Variants in CFAP46 observed in about 807,000 individuals in gnomAD.
The protein encoded by CFAP46 is cilia- and flagella-associated protein 46.
A neutral mutation model predicts 325.7 loss-of-function variants in CFAP46; 245 were observed. That is an observed-to-expected ratio of 0.75 (90% confidence interval 0.68 to 0.84). The LOEUF is 0.84. Among genes scored for constraint, CFAP46 ranks in the 40% least tolerant of loss-of-function variants. CFAP46 has a pLI of 0.00. For synonymous variants in CFAP46, 1,523 were observed against 1,495.9 expected (o/e 1.02, Z -0.42); for missense variants, 3,346 against 3,543.0 (o/e 0.94, Z 1.41).
At chr10:132,809,323 C>T (rs551718792) in intron 57 of CFAP46, among the ~76,000 whole-genome samples, 8 of 152,344 alleles carry the variant, frequency 5.3e-5, no homozygotes, top group South Asian at 4.1e-4. Flanking sequence ...GCAGCAGCAG[C>T]GGGACAGCCA....
chr10:132,935,539 C>T lies in CFAP46; in HGVS notation c.756-677G>A, dbSNP rs541577824. ...CAAACACACTGTGATCTCCTCACTC[C>T]CCTCGGCACCCAAACACACTGCGAT... On this transcript the variant is annotated intron_variant, in intron 7 of 57. Coordinates refer to ENST00000368586, the MANE Select transcript of CFAP46 (RefSeq NM_001200049.3). 3.4e-5 allele frequency among the ~76,000 whole-genome samples: 5 copies of T among 145,618 alleles called. No homozygotes were observed. In the East Asian group the frequency reaches 1.0e-3, roughly 30 times the overall value.
Position 132,885,902 on chromosome 10 carries a change from T to C in CFAP46, c.3362A>G (p.His1121Arg), listed in dbSNP as rs1849123050. 1 of 1,550,114 alleles carries C rather than the reference T, an allele frequency of 6.5e-7. No individual in the cohort carries two copies. The highest frequency in any genetic ancestry group is 8.7e-7 in the Non-Finnish European group (1 of 1,146,806). Residue 1121 changes from histidine to arginine, a missense_variant, in exon 26 of 58, where the codon CAT (histidine) becomes CGT (arginine). By Grantham distance (29) the His-to-Arg change is conservative. Transcript: ENST00000368586. ...GCCCTCCCAGTCGTCCTGGTCGGCA[T>C]GGCTGTGGAAGAGCAGGCCGTAGAG... ...AALYGLLFHS[H>R]ADQDDWEGGL...
intron 40 of CFAP46, among the ~76,000 whole-genome samples, 153 bp from the exon 41 acceptor site, chr10:132,850,585 G>T (rs1279191342): frequency 2.0e-5 from 3 of 152,210 alleles, no homozygotes; most frequent in African/African-American, 7.2e-5. Context: ...GGTCTCCAGG[G>T]CTCTGGTGTG....
At position 132,908,602 on chromosome 10, in the gene CFAP46, C is replaced by T. The variant is rs747153712; in HGVS notation, c.2790G>A (p.Ser930=). The change falls in exon 22 of 58, where the codon TCG becomes TCA. Residue 930 remains serine (S), a synonymous_variant. Coordinates refer to ENST00000368586, the MANE Select transcript of CFAP46 (RefSeq NM_001200049.3). ...LVKMASECNW[S]DPLVELQTLT... is the part of the protein sequence containing the mutation. ...GGGTCTGCAGCTCCACCAGGGGGTCCGACCAGTTGCACTCGGAAGCCATTT... is the reference window on the plus strand; with the variant it reads ...GGGTCTGCAGCTCCACCAGGGGGTCTGACCAGTTGCACTCGGAAGCCATTT... 3.3e-5 allele frequency: 51 copies of T among 1,545,256 alleles called. 1 individual carries two copies. Among genetic ancestry groups the T allele is most frequent in the South Asian group, 3.2e-4 (27 of 83,640 alleles).
intron 13 of CFAP46, among the ~76,000 whole-genome samples, chr10:132,921,330 G>A (rs1316232349): frequency 6.6e-6 from 1 of 152,236 alleles, no homozygotes; most frequent in Non-Finnish European, 1.5e-5. Context: ...GGGCTGGAGA[G>A]AGTGGGGCCG....
At chr10:132,883,852 G>C (rs1254165688) in intron 27 of CFAP46, among the ~76,000 whole-genome samples, 1 of 152,222 alleles carries the variant, frequency 6.6e-6, no homozygotes, top group Non-Finnish European at 1.5e-5. Context: ...AAAATGTCCA[G>C]ATCTGTGGCT....
chr10:132,915,559 G>A lies in CFAP46; in HGVS notation c.2120+990C>T, dbSNP rs370559787. Among the ~76,000 whole-genome samples, 74 of 151,530 alleles carry A rather than the reference G, an allele frequency of 4.9e-4. 1 individual carries two copies. The highest frequency in any genetic ancestry group is 1.4e-3 in the African/African-American group (57 of 41,094). On this transcript the variant is annotated intron_variant, in intron 17 of 57. Transcript: ENST00000368586. ...AAGGGACCGGCGAGGGCGGGGCGCC[G>A]TGCCCAGCTTCTGCCCCGAGGGACC... is the stretch of plus-strand genomic sequence containing the variant.
At position 132,939,696 on chromosome 10, in the gene CFAP46, G is replaced by A. The variant is rs1050247104; in HGVS notation, c.372-943C>T. Reference sequence around the variant, plus strand: ...CGGGGTGTCCTGACCAGACGGTCACGCCTGCTTGAGTCAGAGGGGTCATCA... The same window carrying A: ...CGGGGTGTCCTGACCAGACGGTCACACCTGCTTGAGTCAGAGGGGTCATCA... On this transcript the variant is annotated intron_variant, in intron 4 of 57. Coordinates refer to ENST00000368586, the MANE Select transcript of CFAP46 (RefSeq NM_001200049.3). The surrounding 1 kb of genome is among the most constrained non-coding windows in gnomAD (Gnocchi z 4.6). Among the ~76,000 whole-genome samples the A allele has an allele frequency of 2.0e-5, 3 of 152,136 alleles. No homozygotes were observed. Among genetic ancestry groups the A allele is most frequent in the East Asian group, 1.9e-4 (1 of 5,170 alleles).
chr10:132,881,056 G>A, intron 27 of CFAP46, 24 bp from the exon 28 acceptor site: 1 of 1,548,662 alleles, frequency 6.5e-7, no homozygotes, highest in Non-Finnish European at 8.7e-7. Flanking sequence ...CAGGAAGGGT[G>A]ACATCCTCAG....
At chr10:132,872,346 T>C (rs754070920) in intron 32 of CFAP46, among the ~76,000 whole-genome samples, 14 of 152,174 alleles carry the variant, frequency 9.2e-5, no homozygotes, top group Non-Finnish European at 1.9e-4. Context: ...CTCCATTTCT[T>C]AGGCTCAGGT....
chr10:132,865,907 G>A lies in CFAP46; in HGVS notation c.4890+118C>T, dbSNP rs565999935. The A allele has an allele frequency of 1.3e-4, 129 of 1,011,346 alleles. 1 individual carries two copies. The African/African-American group carries it at 2.0e-3, about 16-fold the overall frequency. The allele number at this position is 1,011,346 out of a possible 1,614,324, so 62.6% of individuals were successfully genotyped here. On this transcript the variant is annotated intron_variant, in intron 35 of 57. Coordinates refer to ENST00000368586, the MANE Select transcript of CFAP46 (RefSeq NM_001200049.3). ...AGAGAGCTGGACCCAGACAAGAGAG[G>A]CACGTGGCCCTGCTAGAGCTGAACG...
chr10:132,890,160 A>G (rs916963713), intron 25 of CFAP46, among the ~76,000 whole-genome samples: 1 of 152,068 alleles, frequency 6.6e-6, no homozygotes, highest in Non-Finnish European at 1.5e-5. Flanking sequence ...ACCCCCCTCC[A>G]CAGCCTCCTC....
intron 25 of CFAP46, among the ~76,000 whole-genome samples, chr10:132,890,155 C>G (rs1055651338): frequency 2.3e-4 from 35 of 152,292 alleles, no homozygotes; most frequent in African/African-American, 7.9e-4. Context: ...ACAAAACCCC[C>G]CTCCACAGCC....
At position 132,833,415 on chromosome 10, in the gene CFAP46, C is replaced by T. The variant is rs778236938; in HGVS notation, c.7060G>A (p.Val2354Met). ...SVFDEGTISSVSREFSLQMLW... is the reference protein window; with the variant it reads ...SVFDEGTISSMSREFSLQMLW... ...ATTTGAAGAGAAAATTCTCGTGACA[C>T]AGAGGAAATTGTCCCTTCATCGAAC... Residue 2354 changes from valine (V) to methionine (M), a missense_variant, in exon 50 of 58, where the codon GTG becomes ATG. By Grantham distance (21) the Val-to-Met change is conservative. Coordinates refer to ENST00000368586, the MANE Select transcript of CFAP46 (RefSeq NM_001200049.3). The T allele has an allele frequency of 3.7e-6, 6 of 1,614,066 alleles. No individual in the cohort carries two copies. The highest frequency in any genetic ancestry group is 5.1e-6 in the Non-Finnish European group (6 of 1,180,050).
Position 132,912,557 on chromosome 10 carries a change from A to ACCTCTCTCTCTCTTCC in CFAP46, c.2499+97_2499+98insGGAAGAGAGAGAGAGG, listed in dbSNP as rs1275669408. On this transcript the variant is annotated intron_variant, in intron 19 of 57. Coordinates refer to ENST00000368586, the MANE Select transcript of CFAP46 (RefSeq NM_001200049.3). The stretch of plus-strand genomic sequence containing the variant: ...TCTCCTCTCCTCTCTCTCTCTCTTC[A>ACCTCTCTCTCTCTTCC]CCTCTCTCCTCTTTCACCTCTCCTC... 80 of 1,033,378 alleles carry ACCTCTCTCTCTCTTCC rather than the reference A, an allele frequency of 7.7e-5. No homozygotes were observed. In the African/African-American group the frequency reaches 1.8e-3, roughly 24 times the overall value. The allele number at this position is 1,033,378 out of a possible 1,614,324, so 64.0% of individuals were successfully genotyped here. A position where few individuals can be genotyped will look rare whatever the true frequency, so the allele number is the denominator to read the frequency against.
At chr10:132,835,543 C>T (rs1848226742) in intron 46 of CFAP46, 109 bp from the exon 47 acceptor site, 4 of 1,393,030 alleles carry the variant, frequency 2.9e-6, no homozygotes, top group Admixed American at 1.9e-5. Context: ...GGAAAGGCTG[C>T]ATGGATGGAA....
rs575398761 is a variant in CFAP46, at chr10:132,910,265, G to A, written c.2500-197C>T. The stretch of plus-strand genomic sequence containing the variant: ...AGCCCCACCCCCAGACGCCGAGGAC[G>A]CAGCTGCCACCTGGCCTCCAGTGCG... On this transcript the variant is annotated intron_variant, in intron 19 of 57. Coordinates refer to ENST00000368586, the MANE Select transcript of CFAP46 (RefSeq NM_001200049.3). 4.2e-3 allele frequency among the ~76,000 whole-genome samples: 633 copies of A among 152,324 alleles called. 4 individuals are homozygous for A. The highest frequency in any genetic ancestry group is 5.4e-3 in the Non-Finnish European group (367 of 68,012).
At chr10:132,848,127 G>A (rs867935425) in intron 41 of CFAP46, among the ~76,000 whole-genome samples, 4 of 152,138 alleles carry the variant, frequency 2.6e-5, no homozygotes, top group Non-Finnish European at 4.4e-5. Flanking sequence ...CCCCAGGACC[G>A]AGACCACTCG....
chr10:132,915,610 C>A (rs1849625602), intron 17 of CFAP46, among the ~76,000 whole-genome samples: 1 of 151,598 alleles, frequency 6.6e-6, no homozygotes, highest in African/African-American at 2.4e-5. Flanking sequence ...CCGTGCCCAG[C>A]TTCTGCCCCG....
Sources: gnomAD v4.1 joint callset for allele counts (sites outside exome capture counted in the v4.1 genomes callset) on GRCh38, gnomAD v4.1.1 for gene constraint, Gnocchi (gnomAD v3.1) non-coding constraint, MANE v1.5 for transcripts, NCBI Gene and HGNC (gene_info 2026-07-23, HGNC 2026-07-21) for gene names.